Variants in RYR1 observed in about 807,000 individuals in gnomAD.
RYR1 encodes ryanodine receptor 1.
In RYR1, 342 loss-of-function variants were observed where a neutral mutation model predicts 583.5. That is an observed-to-expected ratio of 0.59 (90% CI 0.54 to 0.64). RYR1 has a LOEUF of 0.64. RYR1 is among the 30% of genes least tolerant of loss of function. The pLI, the probability that RYR1 is intolerant of heterozygous loss-of-function variation, is 0.00. For missense variants in RYR1, 6,032 were observed against 6,917.2 expected, an observed-to-expected ratio of 0.87 and a Z score of 4.54; for synonymous variants, 2,791 against 2,822.5, an observed-to-expected ratio of 0.99 and a Z score of 0.35.
intron 37 of RYR1, among the ~76,000 whole-genome samples, chr19:38,492,032 T>C (rs1014206706): frequency 6.6e-6 from 1 of 152,146 alleles, no homozygotes; most frequent in African/African-American, 2.4e-5. Context: ...AAATGTTTGA[T>C]AGAATGAATA....
chr19:38,555,602 T>C (rs1046177539), intron 89 of RYR1, among the ~76,000 whole-genome samples: 1 of 152,146 alleles, frequency 6.6e-6, no homozygotes, highest in Non-Finnish European at 1.5e-5. Flanking sequence ...GTCCTTTAAA[T>C]CATCAAATAT....
chr19:38,556,292 C>T (rs1024323035), intron 89 of RYR1, among the ~76,000 whole-genome samples: 1 of 151,736 alleles, frequency 6.6e-6, no homozygotes, highest in Non-Finnish European at 1.5e-5. Context: ...AGCCAGCCTG[C>T]GTAACACAGC....
intron 31 of RYR1, among the ~76,000 whole-genome samples, chr19:38,480,917 G>A (rs1423045960): frequency 6.6e-6 from 1 of 151,624 alleles, no homozygotes; most frequent in East Asian, 1.9e-4. Flanking sequence ...TAGTAGAGAC[G>A]GGGTCTGGCT....
chr19:38,464,226 G>C (rs567202578), intron 22 of RYR1, among the ~76,000 whole-genome samples: 3 of 137,386 alleles, frequency 2.2e-5, no homozygotes, highest in African/African-American at 8.1e-5. Context: ...GCAGCGAGCC[G>C]AGATCACACT....
At chr19:38,491,613 A>G (rs746335723) in intron 37 of RYR1, among the ~76,000 whole-genome samples, 4 of 151,858 alleles carry the variant, frequency 2.6e-5, no homozygotes, top group Admixed American at 6.6e-5. Context: ...ATTTTTTTAT[A>G]GAGTCGGGGT....
At chr19:38,551,588 C>T (rs556196553) in intron 89 of RYR1, among the ~76,000 whole-genome samples, 3 of 152,238 alleles carry the variant, frequency 2.0e-5, no homozygotes, top group Admixed American at 6.5e-5. Flanking sequence ...TTCCCTGATT[C>T]GGGGCTTGCC....
chr19:38,516,905 G>C (rs930413127), intron 65 of RYR1, among the ~76,000 whole-genome samples: 1 of 152,186 alleles, frequency 6.6e-6, no homozygotes, highest in African/African-American at 2.4e-5. Flanking sequence ...TTCTTGGTCA[G>C]CTGTTCTCCC....
Position 38,496,602 on chromosome 19 carries a change from C to A in RYR1, c.6796+61C>A. 1 of 1,594,794 alleles carries A rather than the reference C, an allele frequency of 6.3e-7. No homozygotes were observed. The highest frequency in any genetic ancestry group is 8.6e-7 in the Non-Finnish European group (1 of 1,164,698). On this transcript the variant is annotated intron_variant, in intron 41 of 105. Transcript: ENST00000359596. This position sits in a 1 kb window ranked among gnomAD's most constrained non-coding sequence, Gnocchi z 4.8. ...ACCCACTCCTGGCACCCCGTCCAGG[C>A]CTGCCCCACTTTCCACCAGCTCACT...
intron 88 of RYR1, among the ~76,000 whole-genome samples, chr19:38,547,261 C>T (rs1972474627): frequency 6.8e-6 from 1 of 146,606 alleles, no homozygotes; most frequent in Non-Finnish European, 1.5e-5. Context: ...CCATGTTGGT[C>T]AGGATGGTCT....
chr19:38,522,020 T>C lies in RYR1; in HGVS notation c.10260-1008T>C, dbSNP rs959657690. Reference sequence around the variant, plus strand: ...ACTGCGCCCAGCTGAAAGAAAAAATTTTAAAAAGTTTTTAGCCTAGAAGTT... The same window carrying C: ...ACTGCGCCCAGCTGAAAGAAAAAATCTTAAAAAGTTTTTAGCCTAGAAGTT... On this transcript the variant is annotated intron_variant, in intron 67 of 105. Coordinates refer to ENST00000359596, the MANE Select transcript of RYR1 (RefSeq NM_000540.3). Among the ~76,000 whole-genome samples, 8 of 152,118 alleles carry C rather than the reference T, an allele frequency of 5.3e-5. No individual in the cohort carries two copies. In the South Asian group the frequency reaches 6.2e-4, roughly 12 times the overall value.
Position 38,473,705 on chromosome 19 carries a change from G to T in RYR1, c.4094G>T (p.Gly1365Val). Reference sequence around the variant, plus strand: ...CCCGGGGGCACCCCGCAGGCGGGGGGAGAGGCGCAGCCCGCCAGGGCGGAG... The same window carrying T: ...CCCGGGGGCACCCCGCAGGCGGGGGTAGAGGCGCAGCCCGCCAGGGCGGAG... ...GAPGGTPQAGGEAQPARAENE... is the reference protein window; with the variant it reads ...GAPGGTPQAGVEAQPARAENE... The change falls in exon 28 of 106, where the codon GGA becomes GTA. Residue 1365 changes from glycine (G) to valine (V), a missense_variant. Coordinates refer to ENST00000359596, the MANE Select transcript of RYR1 (RefSeq NM_000540.3). 1.3e-6 allele frequency: 2 copies of T among 1,549,356 alleles called. No homozygotes were observed. The highest frequency in any genetic ancestry group is 2.4e-5 in the East Asian group (1 of 40,942).
At chr19:38,506,718 C>A in intron 56 of RYR1, 111 bp from the exon 57 acceptor site, 1 of 1,527,954 alleles carries the variant, frequency 6.5e-7, no homozygotes, top group Non-Finnish European at 8.9e-7. Flanking sequence ...TTCCGTTATT[C>A]GTATCTTCTT....
chr19:38,559,521 A>G lies in RYR1; in HGVS notation c.12283-1592A>G, dbSNP rs533263379. On this transcript the variant is annotated intron_variant, in intron 89 of 105. Coordinates refer to ENST00000359596, the MANE Select transcript of RYR1 (RefSeq NM_000540.3). ...AGTCCTGGGATTACAGGCATGAGCC[A>G]CCACACCTGGCCAGAGGTGGATTTT... 4.6e-5 allele frequency among the ~76,000 whole-genome samples: 7 copies of G among 152,102 alleles called. No individual in the cohort carries two copies. In the East Asian group the frequency reaches 1.4e-3, roughly 29 times the overall value.
intron 20 of RYR1, 66 bp from the exon 21 acceptor site, chr19:38,463,357 A>AGAGGGGTCATGATGGAGGAGGGT: frequency 7.2e-7 from 1 of 1,386,834 alleles, no homozygotes; most frequent in Non-Finnish European, 1.0e-6. Context: ...TGTTCTTGGA[A>AGAGGGGTCATGATGGAGGAGGGT]AGAGGGGTCA....
chr19:38,488,667 A>C (rs747508566), intron 34 of RYR1, among the ~76,000 whole-genome samples: 1 of 151,972 alleles, frequency 6.6e-6, no homozygotes, highest in Non-Finnish European at 1.5e-5. Flanking sequence ...ACACCCAGCT[A>C]ATTTTTTTTT....
chr19:38,503,107 GA>G (rs1319713033), intron 49 of RYR1, 137 bp downstream of exon 49: 13 of 821,892 alleles, frequency 1.6e-5, no homozygotes, highest in African/African-American at 6.7e-5. Flanking sequence ...CGTCCCCGTA[GA>G]AATCTCTTAG....
intron 38 of RYR1, 28 bp from the exon 39 acceptor site, chr19:38,494,324 T>A: frequency 6.2e-7 from 1 of 1,610,908 alleles, no homozygotes; most frequent in East Asian, 2.2e-5. Context: ...TGCATGGTGC[T>A]CCAAGCCTTG....
chr19:38,481,853 C>T (rs1010676588), intron 31 of RYR1, among the ~76,000 whole-genome samples: 12 of 152,054 alleles, frequency 7.9e-5, no homozygotes, highest in African/African-American at 2.9e-4. Context: ...TTTGGGAGGC[C>T]GAGTTGGGCA....
chr19:38,540,970 T>C (rs1972166378), intron 84 of RYR1, among the ~76,000 whole-genome samples: 2 of 152,046 alleles, frequency 1.3e-5, no homozygotes, highest in African/African-American at 4.8e-5. Flanking sequence ...TCCAATCATA[T>C]ATTACAGTAT....
Sources: allele counts gnomAD v4.1 joint callset (sites outside exome capture counted in the v4.1 genomes callset), GRCh38; gene constraint gnomAD v4.1.1; non-coding constraint Gnocchi (gnomAD v3.1); transcripts MANE v1.5; gene names NCBI Gene and HGNC (gene_info 2026-07-23, HGNC 2026-07-21).